EDNRA: variants seen among roughly 807,000 people sequenced by gnomAD.
The protein encoded by EDNRA is endothelin-1 receptor.
Under a neutral mutation model 41.4 loss-of-function variants are expected in EDNRA, and 11 were observed. The ratio of observed to expected loss-of-function variants is 0.27; its 90% confidence interval spans 0.17 to 0.44. EDNRA has a LOEUF of 0.44. Among genes scored for constraint, EDNRA ranks in the 20% least tolerant of loss-of-function variants. EDNRA has a pLI of 1.00. For synonymous variants in EDNRA, 172 were observed against 183.0 expected (o/e 0.94, Z 0.49); for missense variants, 294 against 531.0 (o/e 0.55, Z 4.39).
chr4:147,529,338 G>A (rs1730668022), intron 3 of EDNRA, among the ~76,000 whole-genome samples: 1 of 152,130 alleles, frequency 6.6e-6, no homozygotes, highest in South Asian at 2.1e-4. Context: ...GAGGCACCAG[G>A]CTAGAGGTAT....
At chr4:147,503,432 G>C (rs955760503) in intron 2 of EDNRA, among the ~76,000 whole-genome samples, 1 of 152,090 alleles carries the variant, frequency 6.6e-6, no homozygotes, top group Admixed American at 6.6e-5. Flanking sequence ...AAGCAGGAAA[G>C]AGCAGGAAAA....
intron 2 of EDNRA, among the ~76,000 whole-genome samples, chr4:147,516,687 C>T (rs1401348317): frequency 6.6e-6 from 1 of 152,112 alleles, no homozygotes; most frequent in African/African-American, 2.4e-5. Context: ...CAATACGACT[C>T]GTCAGCTTGT....
Position 147,542,475 on chromosome 4 carries a change from C to A in EDNRA, c.1144-3C>A, listed in dbSNP as rs373752654. ...CTTACTTCGAGTCTGTTCCTTCCCC[C>A]AGTCATGCCTCTGCTGCTGCTGTTA... is the stretch of plus-strand genomic sequence containing the variant. On this transcript the variant is annotated splice_region_variant and splice_polypyrimidine_tract_variant and intron_variant, in intron 7 of 7. Coordinates refer to ENST00000651419, the MANE Select transcript of EDNRA (RefSeq NM_001957.4). 3.2e-5 allele frequency: 52 copies of A among 1,614,008 alleles called. No individual in the cohort carries two copies. The Admixed American group carries it at 8.0e-4, about 25-fold the overall frequency.
chr4:147,542,410 G>C, intron 7 of EDNRA, 68 bp from the exon 8 acceptor site: 1 of 1,604,224 alleles, frequency 6.2e-7, no homozygotes, highest in South Asian at 1.1e-5. Flanking sequence ...GCATGGCCCA[G>C]GGCCGCTGTG....
intron 1 of EDNRA, among the ~76,000 whole-genome samples, chr4:147,483,112 C>CTT (rs1728828931): frequency 6.6e-6 from 1 of 152,126 alleles, no homozygotes; most frequent in South Asian, 2.1e-4. Context: ...CTGGTGTTCC[C>CTT]TTTGGAATGG....
At chr4:147,500,811 C>T (rs1729493748) in intron 2 of EDNRA, among the ~76,000 whole-genome samples, 1 of 151,662 alleles carries the variant, frequency 6.6e-6, no homozygotes, top group Non-Finnish European at 1.5e-5. Context: ...GTCATTCTGC[C>T]AGCACCCAGG....
chr4:147,535,166 A>C (rs1730877212), intron 4 of EDNRA, among the ~76,000 whole-genome samples: 1 of 152,226 alleles, frequency 6.6e-6, no homozygotes, highest in African/African-American at 2.4e-5. Context: ...TAGGGTATTA[A>C]GTTTTCTTCT....
At position 147,514,082 on chromosome 4, in the gene EDNRA, T is replaced by A. The variant is rs17023427; in HGVS notation, c.421-5769T>A. Among the ~76,000 whole-genome samples, 1,323 of 152,352 alleles carry A rather than the reference T, an allele frequency of 8.7e-3. 18 individuals are homozygous for A. Among genetic ancestry groups the A allele is most frequent in the African/African-American group, 0.03 (1,256 of 41,578 alleles). On this transcript the variant is annotated intron_variant, in intron 2 of 7. Transcript: ENST00000651419. ...AATTCAAAATAACGTTTGTGTGTTA[T>A]ATGTTCAGTTTGCAGAATTCTTTCA...
chr4:147,488,322 G>A (rs1729012888), intron 2 of EDNRA: 1 of 151,582 alleles, frequency 6.6e-6, no homozygotes. Flanking sequence ...CAGACCATCT[G>A]GAATGTCTCC....
intron 2 of EDNRA, among the ~76,000 whole-genome samples, chr4:147,517,395 C>T (rs1231647831): frequency 1.3e-5 from 2 of 152,112 alleles, no homozygotes; most frequent in African/African-American, 4.8e-5. Flanking sequence ...GCGGGTTCTA[C>T]TTGAGGTTAG....
intron 2 of EDNRA, among the ~76,000 whole-genome samples, chr4:147,496,724 T>G (rs1250379767): frequency 6.6e-6 from 1 of 152,216 alleles, no homozygotes; most frequent in Admixed American, 6.5e-5. Flanking sequence ...TTACTCAACA[T>G]TATGTTTGTG....
At chr4:147,498,566 G>A (rs1729395461) in intron 2 of EDNRA, among the ~76,000 whole-genome samples, 1 of 151,066 alleles carries the variant, frequency 6.6e-6, no homozygotes. Context: ...CAGCTTTTGA[G>A]TAGTTTCAAC....
chr4:147,489,092 T>C (rs949988987), intron 2 of EDNRA: 2 of 152,224 alleles, frequency 1.3e-5, no homozygotes, highest in Admixed American at 6.5e-5. Flanking sequence ...GTATCTAATA[T>C]GCTCTTCAAA....
intron 2 of EDNRA, among the ~76,000 whole-genome samples, chr4:147,507,343 T>C (rs777436783): frequency 7.9e-5 from 12 of 152,176 alleles, no homozygotes; most frequent in Non-Finnish European, 1.5e-4. Context: ...TACCAGAGAC[T>C]ACTACTCAGC....
At chr4:147,506,220 C>T (rs1729711995) in intron 2 of EDNRA, 2 of 521,174 alleles carry the variant, frequency 3.8e-6, no homozygotes, top group African/African-American at 1.9e-5. Context: ...TGCAAATATT[C>T]ATGATATTGG....
intron 3 of EDNRA, chr4:147,531,576 C>T (rs772383571): frequency 3.9e-5 from 6 of 152,200 alleles, no homozygotes; most frequent in African/African-American, 7.2e-5. Context: ...CCAATTTCTC[C>T]CCCAGCTTAA....
chr4:147,504,975 A>G (rs1020852466), intron 2 of EDNRA, among the ~76,000 whole-genome samples: 1 of 149,456 alleles, frequency 6.7e-6, no homozygotes, highest in Non-Finnish European at 1.5e-5. Flanking sequence ...AAAAAAAAAA[A>G]AAGGATTCAT....
intron 7 of EDNRA, among the ~76,000 whole-genome samples, chr4:147,541,690 A>G (rs10305928): frequency 0.016 from 2,463 of 152,340 alleles, 68 homozygotes; most frequent in African/African-American, 0.056. Context: ...TATATTAACC[A>G]AGGAATCACA....
chr4:147,487,339 G>GT (rs1368451847), intron 2 of EDNRA, among the ~76,000 whole-genome samples: 2 of 152,180 alleles, frequency 1.3e-5, no homozygotes, highest in African/African-American at 4.8e-5. Context: ...ATTTGGTCTA[G>GT]TTGTTGGGAG....
Sources: allele counts gnomAD v4.1 joint callset (sites outside exome capture counted in the v4.1 genomes callset), GRCh38; gene constraint gnomAD v4.1.1; transcripts MANE v1.5; gene names NCBI Gene and HGNC (gene_info 2026-07-23, HGNC 2026-07-21).